Variants in ROR2 observed in about 807,000 individuals in gnomAD.
ROR2 encodes ROR family WNT receptor 2, also known as tyrosine-protein kinase transmembrane receptor ROR2.
ROR2 carries 33 observed loss-of-function variants against 74.9 expected under a neutral mutation model. The observed-to-expected ratio is 0.44, with a 90% CI of 0.33 to 0.59. ROR2 has a LOEUF of 0.59. Ranked by LOEUF, ROR2 falls within the 20% of genes least tolerant of loss-of-function variation. The probability of loss-of-function intolerance (pLI) is 0.02; values close to 1 mark genes in which losing one functional copy is unlikely to be tolerated. For missense variants in ROR2, 1,216 were observed against 1,313.8 expected, an observed-to-expected ratio of 0.93 and a Z score of 1.15; for synonymous variants, 586 against 558.7, an observed-to-expected ratio of 1.05 and a Z score of -0.69.
At chr9:91,863,672 G>A (rs77019674) in intron 1 of ROR2, among the ~76,000 whole-genome samples, 6,137 of 152,192 alleles carry the variant, frequency 0.04, 174 homozygotes, top group East Asian at 0.093. Flanking sequence ...CATATTGCAC[G>A]ACTCCGTTTA....
chr9:91,750,568 TCA>T (rs1306673888), intron 4 of ROR2, among the ~76,000 whole-genome samples: 2 of 152,054 alleles, frequency 1.3e-5, no homozygotes, highest in African/African-American at 4.8e-5. Context: ...AACAGCAGAA[TCA>T]CCAACAGAAA....
At chr9:91,869,861 A>G (rs528068887) in intron 1 of ROR2, among the ~76,000 whole-genome samples, 195 of 151,890 alleles carry the variant, frequency 1.3e-3, no homozygotes, top group African/African-American at 4.5e-3. Flanking sequence ...TTTTAAGAAG[A>G]AAAAAAAATA....
chr9:91,830,549 G>A (rs901419869), intron 1 of ROR2, among the ~76,000 whole-genome samples: 5 of 152,148 alleles, frequency 3.3e-5, no homozygotes, highest in African/African-American at 1.2e-4. Flanking sequence ...AGAGCACACA[G>A]CACTAACAAC....
At chr9:91,739,906 A>T (rs1236085155) in intron 4 of ROR2, among the ~76,000 whole-genome samples, 1 of 152,232 alleles carries the variant, frequency 6.6e-6, no homozygotes, top group Admixed American at 6.5e-5. Flanking sequence ...TGTGCTGGAC[A>T]TGTCCCTGTC....
intron 1 of ROR2, among the ~76,000 whole-genome samples, chr9:91,853,343 GGAA>G (rs1829173724): frequency 6.6e-6 from 1 of 152,200 alleles, no homozygotes; most frequent in Admixed American, 6.5e-5. Context: ...CAGGTGAGGT[GGAA>G]GAAGGAGGGG....
chr9:91,927,416 C>T (rs1460840523), intron 1 of ROR2, among the ~76,000 whole-genome samples: 3 of 152,216 alleles, frequency 2.0e-5, no homozygotes, highest in Non-Finnish European at 4.4e-5. Context: ...TACACAAACT[C>T]CAAAGCCAGA....
chr9:91,737,643 T>G, intron 4 of ROR2, 125 bp from the exon 5 acceptor site: 1 of 1,278,354 alleles, frequency 7.8e-7, no homozygotes, highest in African/African-American at 1.5e-5. Context: ...ATAAGTAAAT[T>G]TAAATAAGTA....
At chr9:91,927,867 A>G (rs1831452205) in intron 1 of ROR2, among the ~76,000 whole-genome samples, 2 of 152,018 alleles carry the variant, frequency 1.3e-5, no homozygotes, top group Admixed American at 1.3e-4. Context: ...CCCAGCCTCT[A>G]GATTCTATAA....
At chr9:91,831,353 T>C (rs1828460654) in intron 1 of ROR2, among the ~76,000 whole-genome samples, 1 of 152,128 alleles carries the variant, frequency 6.6e-6, no homozygotes, top group Non-Finnish European at 1.5e-5. Flanking sequence ...TGAAGTCATG[T>C]TTTGGGCTGA....
chr9:91,909,152 T>G (rs1336165498), intron 1 of ROR2, among the ~76,000 whole-genome samples: 4 of 152,226 alleles, frequency 2.6e-5, no homozygotes, highest in Admixed American at 2.6e-4. Flanking sequence ...CCTTTTCCAT[T>G]TCCATTGCTC....
intron 1 of ROR2, among the ~76,000 whole-genome samples, chr9:91,929,365 G>A (rs914858280): frequency 5.3e-5 from 8 of 152,174 alleles, no homozygotes; most frequent in African/African-American, 1.7e-4. Context: ...TAAAAGCTCC[G>A]CAAAGGCATG....
intron 1 of ROR2, among the ~76,000 whole-genome samples, chr9:91,790,424 C>T (rs1434495016): frequency 6.6e-6 from 1 of 151,490 alleles, no homozygotes; most frequent in Non-Finnish European, 1.5e-5. Context: ...GCAGAATAAT[C>T]GCTTGAACCT....
At chr9:91,948,722 G>A (rs1004282016) in intron 1 of ROR2, 1 of 985,386 alleles carries the variant, frequency 1.0e-6, no homozygotes, top group African/African-American at 1.7e-5. Flanking sequence ...CCTTCCTGCA[G>A]GAGTGCAGGG....
intron 1 of ROR2, among the ~76,000 whole-genome samples, chr9:91,916,826 G>T (rs1329456860): frequency 2.0e-5 from 3 of 152,050 alleles, no homozygotes; most frequent in Non-Finnish European, 4.4e-5. Flanking sequence ...CAAGAAACTG[G>T]CAAAGGAGGA....
At chr9:91,937,441 G>T (rs1000189087) in intron 1 of ROR2, among the ~76,000 whole-genome samples, 4 of 151,976 alleles carry the variant, frequency 2.6e-5, no homozygotes, top group African/African-American at 4.8e-5. Context: ...CCCAGACCCA[G>T]AGATCCAGAC....
chr9:91,875,023 T>C (rs1269235988), intron 1 of ROR2, among the ~76,000 whole-genome samples: 2 of 152,000 alleles, frequency 1.3e-5, no homozygotes, highest in African/African-American at 4.8e-5. Context: ...AATTGGTAAA[T>C]TAACGGACAC....
At chr9:91,740,095 C>T (rs969175369) in intron 4 of ROR2, among the ~76,000 whole-genome samples, 2 of 152,160 alleles carry the variant, frequency 1.3e-5, no homozygotes, top group Non-Finnish European at 2.9e-5. Flanking sequence ...AAGGTTGTTC[C>T]CCCTGTTGCA....
intron 3 of ROR2, 123 bp from the exon 4 acceptor site, chr9:91,756,224 C>G: frequency 1.1e-6 from 1 of 884,684 alleles, no homozygotes; most frequent in Non-Finnish European, 1.9e-6. Context: ...CAGCTGTCCT[C>G]GGGCCTCAGG....
chr9:91,734,886 G>A (rs569842424), intron 5 of ROR2, among the ~76,000 whole-genome samples: 48 of 152,294 alleles, frequency 3.2e-4, no homozygotes, highest in Non-Finnish European at 4.3e-4. Context: ...TCCTGTGGCC[G>A]ATATTTAAAT....
Sources: gnomAD v4.1 joint callset for allele counts (sites outside exome capture counted in the v4.1 genomes callset) on GRCh38, gnomAD v4.1.1 for gene constraint, MANE v1.5 for transcripts, NCBI Gene and HGNC (gene_info 2026-07-23, HGNC 2026-07-21) for gene names.